TENM3: variants seen among roughly 807,000 people sequenced by gnomAD.
TENM3 encodes the protein teneurin-3.
A neutral mutation model predicts 255.1 loss-of-function variants in TENM3; 63 were observed. The ratio of observed to expected loss-of-function variants is 0.25; its 90% CI spans 0.20 to 0.30. The LOEUF is 0.30. Among genes scored for constraint, TENM3 ranks in the 10% least tolerant of loss-of-function variants. TENM3 has a pLI of 1.00. For synonymous variants in TENM3, 1,306 were observed against 1,322.3 expected (o/e 0.99, Z 0.27); for missense variants, 2,929 against 3,461.1 (o/e 0.85, Z 3.86).
At chr4:182,382,618 C>G (rs1767647728) in intron 3 of TENM3, among the ~76,000 whole-genome samples, 1 of 152,150 alleles carries the variant, frequency 6.6e-6, no homozygotes, top group South Asian at 2.1e-4. Context: ...GCTGTCTTCT[C>G]TCTAGGCATC....
At chr4:181,628,459 G>C in the TENM3 span, among the ~76,000 whole-genome samples, 10 of 152,206 alleles carry the variant, frequency 6.6e-5, no homozygotes, top group African/African-American at 2.2e-4. Context: ...GGGTTTTTAT[G>C]GTTTTAGGTC....
the TENM3 span, among the ~76,000 whole-genome samples, chr4:181,629,131 C>T: frequency 6.6e-6 from 1 of 152,118 alleles, no homozygotes; most frequent in Non-Finnish European, 1.5e-5. Flanking sequence ...ATTTGGCTCT[C>T]TGTTTGTCTG....
the TENM3 span, among the ~76,000 whole-genome samples, chr4:181,697,028 T>C: frequency 6.6e-6 from 1 of 152,208 alleles, no homozygotes; most frequent in South Asian, 2.1e-4. Flanking sequence ...AACTAACTTC[T>C]CTCTTCGTGG....
At chr4:181,662,327 G>A in the TENM3 span, among the ~76,000 whole-genome samples, 1 of 152,156 alleles carries the variant, frequency 6.6e-6, no homozygotes, top group Non-Finnish European at 1.5e-5. Context: ...TAAAATAAAT[G>A]AGTTATTTTC....
intron 19 of TENM3, among the ~76,000 whole-genome samples, chr4:182,746,904 A>G (rs1373664345): frequency 6.6e-6 from 1 of 152,228 alleles, no homozygotes; most frequent in East Asian, 1.9e-4. Flanking sequence ...CCATTTGCTT[A>G]GTAAGTAATA....
At chr4:182,317,330 T>C (rs1046115365) in intron 1 of TENM3, among the ~76,000 whole-genome samples, 5 of 152,180 alleles carry the variant, frequency 3.3e-5, no homozygotes, top group Non-Finnish European at 7.4e-5. Flanking sequence ...GACAGGGTCT[T>C]ACTCTGTCTC....
At chr4:182,209,477 C>T (rs928925148) in intron 1 of TENM3, among the ~76,000 whole-genome samples, 10 of 152,054 alleles carry the variant, frequency 6.6e-5, no homozygotes, top group African/African-American at 1.9e-4. Context: ...TGCTGGCAGA[C>T]CCAGTCTTTG....
chr4:181,760,874 C>T, the TENM3 span, among the ~76,000 whole-genome samples: 2 of 151,690 alleles, frequency 1.3e-5, no homozygotes, highest in African/African-American at 2.4e-5. Context: ...TTTCTTCTGA[C>T]ATCTTATTAC....
At chr4:181,541,883 C>T in the TENM3 span, among the ~76,000 whole-genome samples, 1 of 152,278 alleles carries the variant, frequency 6.6e-6, no homozygotes, top group South Asian at 2.1e-4. Flanking sequence ...GCTAATTATT[C>T]CCTATGTGCC....
the TENM3 span, among the ~76,000 whole-genome samples, chr4:181,659,198 A>G: frequency 6.6e-6 from 1 of 152,212 alleles, no homozygotes; most frequent in Non-Finnish European, 1.5e-5. Context: ...ATCCTTTGTC[A>G]CAAACCGTTG....
the TENM3 span, among the ~76,000 whole-genome samples, chr4:181,740,751 G>C: frequency 2.0e-5 from 3 of 151,806 alleles, no homozygotes; most frequent in Non-Finnish European, 2.9e-5. Flanking sequence ...AAATATCTAG[G>C]GGGGACCACC....
the TENM3 span, among the ~76,000 whole-genome samples, chr4:181,815,015 T>A: frequency 1.3e-5 from 2 of 151,934 alleles, no homozygotes; most frequent in African/African-American, 2.4e-5. Context: ...GATAAACCCC[T>A]CAAGAGCCTG....
intron 1 of TENM3, among the ~76,000 whole-genome samples, chr4:182,255,443 T>C (rs763430187): frequency 2.6e-5 from 4 of 152,212 alleles, no homozygotes; most frequent in Non-Finnish European, 5.9e-5. Flanking sequence ...CCCCTAGCAT[T>C]GTATTGCCAA....
the TENM3 span, among the ~76,000 whole-genome samples, chr4:181,725,189 C>T: frequency 3.9e-5 from 6 of 152,114 alleles, no homozygotes; most frequent in African/African-American, 1.2e-4. Flanking sequence ...CCATCTTTTG[C>T]TTTTTAGCCT....
intron 3 of TENM3, among the ~76,000 whole-genome samples, chr4:182,555,691 A>G (rs914046126): frequency 1.3e-5 from 2 of 152,196 alleles, no homozygotes; most frequent in Admixed American, 1.3e-4. Context: ...ACTTAAATGC[A>G]TTTATATGGG....
At chr4:182,023,688 T>C in the TENM3 span, among the ~76,000 whole-genome samples, 4 of 152,198 alleles carry the variant, frequency 2.6e-5, no homozygotes, top group East Asian at 7.7e-4. Context: ...TGTTTGCGTG[T>C]TTGTTTTAAA....
Position 182,347,003 on chromosome 4 carries a change from G to GT in TENM3, c.511+74_511+75insT, listed in dbSNP as rs11393308. The GT allele has an allele frequency of 1.6e-5, 17 of 1,091,906 alleles. No individual in the cohort carries two copies. The African/African-American group carries it at 2.0e-4, about 13-fold the overall frequency. 67.6% of individuals were successfully genotyped at this position (1,091,906 alleles called of 1,614,324 possible). ...TGTTTTGGTTGACTCCGCGGGGGGG[G>GT]ATGTTTTTCTTTCTCTCCTTCCTCT... On this transcript the variant is annotated intron_variant, in intron 3 of 27. Transcript: ENST00000511685.
the TENM3 span, among the ~76,000 whole-genome samples, chr4:181,593,734 A>C: frequency 0.58 from 88,566 of 152,042 alleles, 26,120 homozygotes; most frequent in Non-Finnish European, 0.63. Context: ...AGCTTTTCTT[A>C]GTCCAGCCTT....
rs77505412 is a variant in TENM3, at chr4:182,787,034, A to G, written c.5305-2059A>G. Among the ~76,000 whole-genome samples the G allele has an allele frequency of 4.5e-4, 69 of 152,326 alleles. No homozygotes were observed. The East Asian group carries it at 8.7e-3, about 19-fold the overall frequency. Reference sequence around the variant, plus strand: ...TTATCACTTTGATACAAATATTTCTACAGACTTTAAAATATATATATGTAA... The same window carrying G: ...TTATCACTTTGATACAAATATTTCTGCAGACTTTAAAATATATATATGTAA... On this transcript the variant is annotated intron_variant, in intron 24 of 27. Transcript: ENST00000511685.
Sources: gnomAD v4.1 joint callset for allele counts (sites outside exome capture counted in the v4.1 genomes callset) on GRCh38, gnomAD v4.1.1 for gene constraint, MANE v1.5 for transcripts, NCBI Gene and HGNC (gene_info 2026-07-23, HGNC 2026-07-21) for gene names.